Variants in KANK1 observed in about 807,000 individuals in gnomAD.
KANK1 encodes KN motif and ankyrin repeat domain-containing protein 1.
Under a neutral mutation model 106.2 loss-of-function variants are expected in KANK1, and 109 were observed. The observed-to-expected ratio is 1.03, with a 90% CI of 0.88 to 1.20. The LOEUF is 1.20. KANK1 is among the 50% of genes most tolerant of loss of function. The probability of loss-of-function intolerance (pLI) is 0.00; values close to 1 mark genes in which losing one functional copy is unlikely to be tolerated. For missense variants in KANK1, 2,399 were observed against 1,710.7 expected, an observed-to-expected ratio of 1.40 and a Z score of -7.10; for synonymous variants, 873 against 652.2, an observed-to-expected ratio of 1.34 and a Z score of -5.16.
intron 2 of KANK1, among the ~76,000 whole-genome samples, chr9:682,666 C>G (rs539070690): frequency 6.6e-6 from 1 of 152,208 alleles, no homozygotes; most frequent in East Asian, 1.9e-4. Context: ...TTTTCTCCTC[C>G]TTTTTTATTA....
intron 1 of KANK1, among the ~76,000 whole-genome samples, chr9:548,127 TA>T (rs1198704498): frequency 6.6e-6 from 1 of 152,186 alleles, no homozygotes; most frequent in African/African-American, 2.4e-5. Flanking sequence ...ACATTAGTAC[TA>T]AAAAATTCCT....
At position 688,598 on chromosome 9, in the gene KANK1, C is replaced by CA. The variant is rs33959316; in HGVS notation, c.37+11604dup. Among the ~76,000 whole-genome samples, 355 of 108,912 alleles carry CA rather than the reference C, an allele frequency of 3.3e-3. 2 individuals carry two copies. The highest frequency in any genetic ancestry group is 8.3e-3 in the East Asian group (36 of 4,354). 71.5% of individuals were successfully genotyped at this position (108,912 alleles called of 152,430 possible). Reference sequence around the variant, plus strand: ...TGAGCGACAGAGCGAGACTCTGTCTCAAAAAAAAAAAAAAAGAGTGAGAAA... The same window carrying CA: ...TGAGCGACAGAGCGAGACTCTGTCTCAAAAAAAAAAAAAAAAGAGTGAGAAA... On this transcript the variant is annotated intron_variant, in intron 2 of 11. Coordinates refer to ENST00000382297, the MANE Select transcript of KANK1 (RefSeq NM_015158.5).
intron 1 of KANK1, among the ~76,000 whole-genome samples, chr9:582,357 C>T (rs1588014824): frequency 1.3e-5 from 2 of 152,120 alleles, no homozygotes; most frequent in South Asian, 4.2e-4. Context: ...GTAAGAGTAG[C>T]CTTCAAATTC....
chr9:684,939 C>G (rs943258505), intron 2 of KANK1, among the ~76,000 whole-genome samples: 2 of 152,070 alleles, frequency 1.3e-5, no homozygotes, highest in Non-Finnish European at 1.5e-5. Context: ...GTAGACTTCT[C>G]TAATAAAACC....
At chr9:661,372 GTGTCTGGTTTTC>G (rs1843275720) in intron 1 of KANK1, among the ~76,000 whole-genome samples, 1 of 151,846 alleles carries the variant, frequency 6.6e-6, no homozygotes, top group South Asian at 2.1e-4. Flanking sequence ...AGAACATGCA[GTGTCTGGTTTTC>G]TGTCCTTGCA....
chr9:560,998 A>G lies in KANK1; in HGVS notation c.-84+56244A>G, dbSNP rs371803055. Among the ~76,000 whole-genome samples the G allele has an allele frequency of 4.6e-5, 7 of 152,300 alleles. No homozygotes were observed. In the South Asian group the frequency reaches 1.2e-3, roughly 27 times the overall value. ...CAGCTTTAATGGCACAGTACTCAGA[A>G]TTAAGGAGATAATCATCCCGTTGTT... On this transcript the variant is annotated intron_variant, in intron 1 of 11. Transcript: ENST00000382297.
Position 718,298 on chromosome 9 carries a change from C to CTTTTTT in KANK1, c.2698+4855_2698+4860dup, listed in dbSNP as rs60145502. ...TGGCTGTGTAGGTAACTTGCTGTGT[C>CTTTTTT]TTTTTTTTTTTTTTTTTTTTTTTTT... is the stretch of plus-strand genomic sequence containing the variant. On this transcript the variant is annotated intron_variant, in intron 3 of 11. Transcript: ENST00000382297. Among the ~76,000 whole-genome samples, 14 of 74,088 alleles carry CTTTTTT rather than the reference C, an allele frequency of 1.9e-4. 1 individual carries two copies. Among genetic ancestry groups the CTTTTTT allele is most frequent in the East Asian group, 5.7e-4 (1 of 1,766 alleles). The allele number at this position is 74,088 out of a possible 152,430, so 48.6% of individuals were successfully genotyped here.
At chr9:697,686 C>T (rs899475578) in intron 2 of KANK1, among the ~76,000 whole-genome samples, 2 of 152,156 alleles carry the variant, frequency 1.3e-5, no homozygotes, top group African/African-American at 4.8e-5. Flanking sequence ...TTTATTATAG[C>T]ATGATGGACT....
intron 1 of KANK1, among the ~76,000 whole-genome samples, chr9:611,125 C>T (rs141941303): frequency 1.2e-4 from 19 of 152,266 alleles, no homozygotes; most frequent in African/African-American, 4.6e-4. Context: ...CCTGAAGGGA[C>T]GGTTGGCTTG....
chr9:655,357 G>C (rs1381108378), intron 1 of KANK1, among the ~76,000 whole-genome samples: 1 of 117,160 alleles, frequency 8.5e-6, no homozygotes, highest in Non-Finnish European at 1.7e-5. Flanking sequence ...GGAAACAAGA[G>C]CAAAATTCTG....
At chr9:671,504 C>CATG in intron 1 of KANK1, among the ~76,000 whole-genome samples, 1 of 6,324 alleles carries the variant, frequency 1.6e-4, no homozygotes, top group Non-Finnish European at 2.6e-4. Context: ...ATTAGCTGGA[C>CATG]GTGGTGGAGG....
In KANK1 at chr9:721,667, T is replaced by G. The variant is rs574509448; in HGVS notation, c.2698+8203T>G. 6.6e-5 allele frequency among the ~76,000 whole-genome samples: 10 copies of G among 152,350 alleles called. No individual in the cohort carries two copies. In the South Asian group the frequency reaches 2.1e-3, roughly 32 times the overall value. On this transcript the variant is annotated intron_variant, in intron 3 of 11. Coordinates refer to ENST00000382297, the MANE Select transcript of KANK1 (RefSeq NM_015158.5). ...TGCTGATAACTCAATAATTGATTGG[T>G]TCTCAGGGTCATTTACCTGGGTCCC...
intron 2 of KANK1, among the ~76,000 whole-genome samples, chr9:709,872 C>A (rs1307018099): frequency 6.6e-6 from 1 of 152,154 alleles, no homozygotes; most frequent in African/African-American, 2.4e-5. Flanking sequence ...CCGCCTTGGC[C>A]TCCCAAAGTG....
chr9:693,677 C>G, intron 2 of KANK1: 1 of 985,308 alleles, frequency 1.0e-6, no homozygotes, highest in Non-Finnish European at 1.2e-6. Context: ...TGCAACAGCT[C>G]CTGGGCTCTT....
At chr9:734,891 C>T in intron 7 of KANK1, 56 bp downstream of exon 7, 1 of 1,299,754 alleles carries the variant, frequency 7.7e-7, no homozygotes, top group South Asian at 1.2e-5. Flanking sequence ...TGAGTGGGTT[C>T]ATTGTCAAGG....
At chr9:717,388 G>T (rs990880183) in intron 3 of KANK1, among the ~76,000 whole-genome samples, 1 of 152,162 alleles carries the variant, frequency 6.6e-6, no homozygotes, top group Non-Finnish European at 1.5e-5. Flanking sequence ...CGTGTGTTTG[G>T]TATTTACAGA....
chr9:501,296 A>T (rs1433282161), upstream of KANK1, among the ~76,000 whole-genome samples: 1 of 152,190 alleles, frequency 6.6e-6, no homozygotes, highest in Non-Finnish European at 1.5e-5. Context: ...CAACGCACTG[A>T]CTGGTTAAAG....
chr9:659,973 GA>G, intron 1 of KANK1: 2 of 192,290 alleles, frequency 1.0e-5, no homozygotes, highest in Non-Finnish European at 2.2e-5. Context: ...TTCCACTGAG[GA>G]AAAACAATCG....
chr9:590,673 A>T (rs1323695684), intron 1 of KANK1, among the ~76,000 whole-genome samples: 1 of 149,040 alleles, frequency 6.7e-6, no homozygotes, highest in East Asian at 1.9e-4. Context: ...CCTAAATAAG[A>T]TTCTTAAATA....
Sources: allele counts gnomAD v4.1 joint callset (sites outside exome capture counted in the v4.1 genomes callset), GRCh38; gene constraint gnomAD v4.1.1; transcripts MANE v1.5; gene names NCBI Gene and HGNC (gene_info 2026-07-23, HGNC 2026-07-21).